Variants in TAF4 observed in about 807,000 individuals in gnomAD.
The protein encoded by TAF4 is transcription initiation factor TFIID subunit 4.
A neutral mutation model predicts 90.3 loss-of-function variants in TAF4; 9 were observed. The ratio of observed to expected loss-of-function variants is 0.10; its 90% CI spans 0.06 to 0.17. The LOEUF (loss-of-function observed/expected upper bound fraction) is 0.17, where lower values mean the gene tolerates loss of function less well. TAF4 is among the 10% of genes least tolerant of loss of function. The pLI is 1.00. For synonymous variants in TAF4, 818 were observed against 638.9 expected (o/e 1.28, Z -4.23); for missense variants, 1,351 against 1,370.7 (o/e 0.99, Z 0.23).
intron 1 of TAF4, among the ~76,000 whole-genome samples, chr20:62,046,892 T>C (rs774652879): frequency 2.6e-5 from 4 of 152,234 alleles, no homozygotes. Context: ...TCAAACCTTC[T>C]GCCCATTTTT....
At chr20:62,056,667 G>A (rs2056066002) in intron 1 of TAF4, among the ~76,000 whole-genome samples, 1 of 152,150 alleles carries the variant, frequency 6.6e-6, no homozygotes, top group African/African-American at 2.4e-5. Context: ...TGTAATTACA[G>A]AAAAACACAG....
intron 1 of TAF4, among the ~76,000 whole-genome samples, chr20:62,051,913 G>T (rs1279100254): frequency 1.3e-5 from 2 of 152,144 alleles, no homozygotes; most frequent in Admixed American, 6.5e-5. Flanking sequence ...CTGGATATCT[G>T]CCACCCCTTC....
intron 14 of TAF4, among the ~76,000 whole-genome samples, chr20:61,981,812 C>A (rs534835764): frequency 6.9e-6 from 1 of 145,916 alleles, no homozygotes; most frequent in Non-Finnish European, 1.5e-5. Flanking sequence ...ACCAAACCCA[C>A]ACAACCCACA....
At chr20:62,050,097 T>C (rs1161040187) in intron 1 of TAF4, among the ~76,000 whole-genome samples, 2 of 152,120 alleles carry the variant, frequency 1.3e-5, no homozygotes, top group Non-Finnish European at 2.9e-5. Context: ...ACAAACTGTT[T>C]TTCTACAACC....
At chr20:62,060,288 C>T (rs545414069) in intron 1 of TAF4, among the ~76,000 whole-genome samples, 2 of 152,372 alleles carry the variant, frequency 1.3e-5, no homozygotes, top group Admixed American at 1.3e-4. Context: ...GCCCTAAGAA[C>T]CAGGGCAACC....
In TAF4 at chr20:62,065,155, T is replaced by C. The variant is rs1161150486; in HGVS notation, c.656A>G (p.Asn219Ser). The change falls in exon 1 of 15, where the codon AAC becomes AGC. Residue 219 changes from asparagine (N) to serine (S), a missense_variant. Physicochemically the swap from Asn to Ser is conservative, Grantham distance 46. Around this residue, in one of 9 missense-constraint regions of TAF4, gnomAD observed 782 missense variants for 536.6 expected, o/e 1.46. Coordinates refer to ENST00000252996, the MANE Select transcript of TAF4 (RefSeq NM_003185.4). The stretch of plus-strand genomic sequence containing the variant: ...CGGCAGCAGCGCGGCGGGCCCGTTG[T>C]TGACCAGGCTGACAGCAGGTGCGGC... ...HAAAPAVSLV[N>S]NGPAALLPLP... 2.5e-6 allele frequency: 3 copies of C among 1,196,010 alleles called. No individual in the cohort carries two copies. Among genetic ancestry groups the C allele is most frequent in the South Asian group, 2.8e-5 (2 of 70,922 alleles). The allele number at this position is 1,196,010 out of a possible 1,614,324, so 74.1% of individuals were successfully genotyped here.
chr20:62,018,191 T>C (rs1568933470), intron 1 of TAF4, among the ~76,000 whole-genome samples: 2 of 152,182 alleles, frequency 1.3e-5, no homozygotes, highest in Admixed American at 6.5e-5. Flanking sequence ...AAACAGCACA[T>C]AAGAGGCGCT....
chr20:62,031,724 G>GT (rs1471198678), intron 1 of TAF4, among the ~76,000 whole-genome samples: 1 of 151,906 alleles, frequency 6.6e-6, no homozygotes, highest in Non-Finnish European at 1.5e-5. Context: ...CTTAGTCACC[G>GT]TAAGTTCTTA....
chr20:62,025,732 AT>A (rs1329258213), intron 1 of TAF4, among the ~76,000 whole-genome samples: 4 of 152,174 alleles, frequency 2.6e-5, no homozygotes, highest in Non-Finnish European at 5.9e-5. Flanking sequence ...AGCCTTGGGT[AT>A]TTTTTTATAG....
chr20:62,013,906 G>GGTGTGTGTGTGT (rs56801841), intron 2 of TAF4, among the ~76,000 whole-genome samples: 35 of 107,402 alleles, frequency 3.3e-4, no homozygotes, highest in East Asian at 7.2e-4. Context: ...GGCTGACGCG[G>GGTGTGTGTGTGT]GTGTGTGTGT....
At chr20:62,035,450 C>T (rs2055927037) in intron 1 of TAF4, among the ~76,000 whole-genome samples, 1 of 152,156 alleles carries the variant, frequency 6.6e-6, no homozygotes, top group Admixed American at 6.5e-5. Context: ...CCATGGAGAC[C>T]ACAGAGGTGA....
At chr20:62,017,482 CAA>C (rs66697524) in intron 1 of TAF4, among the ~76,000 whole-genome samples, 5 of 127,982 alleles carry the variant, frequency 3.9e-5, no homozygotes, top group Admixed American at 7.7e-5. Flanking sequence ...ACTAAAAATA[CAA>C]AAAAAAAAAA....
Position 62,065,033 on chromosome 20 carries a change from C to T in TAF4, c.778G>A (p.Ala260Thr). ...GCGGCGGGGGCGGCGGGCGCGGGGG[C>T]GGCGGGGGGCGAGGGCGCGGCGGGC... is the stretch of plus-strand genomic sequence containing the variant. ...PAPAAPSPPAAPAPAAPAAAP... is the reference protein window; with the variant it reads ...PAPAAPSPPATPAPAAPAAAP... The change falls in exon 1 of 15, where the codon GCC becomes ACC. Residue 260 changes from alanine (A) to threonine (T), a missense_variant. Around this residue, in one of 9 missense-constraint regions of TAF4, gnomAD observed 782 missense variants for 536.6 expected, o/e 1.46. Coordinates refer to ENST00000252996, the MANE Select transcript of TAF4 (RefSeq NM_003185.4). 2.7e-5 allele frequency: 11 copies of T among 414,822 alleles called. No individual in the cohort carries two copies. The highest frequency in any genetic ancestry group is 2.8e-5 in the Non-Finnish European group (10 of 356,652). The allele number at this position is 414,822 out of a possible 1,614,324, so 25.7% of individuals were successfully genotyped here.
intron 1 of TAF4, among the ~76,000 whole-genome samples, chr20:62,034,827 C>CTTTTTTTTTTTTT (rs1555877004): frequency 7.1e-6 from 1 of 141,810 alleles, no homozygotes; most frequent in African/African-American, 2.6e-5. Flanking sequence ...TCATAGATTT[C>CTTTTTTTTTTTTT]TTTTTTTTTT....
chr20:62,050,954 G>A (rs541952204), intron 1 of TAF4, among the ~76,000 whole-genome samples: 5 of 152,172 alleles, frequency 3.3e-5, no homozygotes, highest in Non-Finnish European at 7.3e-5. Flanking sequence ...ACCCCAGGCA[G>A]GGCCCCTCCC....
At chr20:62,045,795 C>T (rs1306615328) in intron 1 of TAF4, among the ~76,000 whole-genome samples, 1 of 152,156 alleles carries the variant, frequency 6.6e-6, no homozygotes, top group African/African-American at 2.4e-5. Flanking sequence ...TAATCCAGAG[C>T]AGACGCTCCT....
intron 1 of TAF4, among the ~76,000 whole-genome samples, chr20:62,018,293 A>G (rs891986556): frequency 2.0e-5 from 3 of 152,198 alleles, no homozygotes; most frequent in African/African-American, 7.2e-5. Flanking sequence ...TGATGATCTG[A>G]GGACACTCAG....
chr20:62,006,615 G>C lies in TAF4; in HGVS notation c.2118C>G (p.Ala706=), dbSNP rs146516743. The C allele has an allele frequency of 6.5e-5, 104 of 1,598,024 alleles. No homozygotes were observed. The highest frequency in any genetic ancestry group is 3.4e-6 in the Non-Finnish European group (4 of 1,172,334). Residue 706 remains alanine, a synonymous_variant, in exon 7 of 15, where the codon GCC becomes GCG. Coordinates refer to ENST00000252996, the MANE Select transcript of TAF4 (RefSeq NM_003185.4). This position sits in a 1 kb window ranked among gnomAD's most constrained non-coding sequence, Gnocchi z 7.0. ...TGGTCACGGTGGCCGCCGTCTTCCC[G>C]GCCGTGCGCTGGACCGAGCTACTCA... The part of the protein sequence containing the change: ...VVLSSSVQRT[A]GKTAATVTSA...
intron 1 of TAF4, among the ~76,000 whole-genome samples, chr20:62,064,100 C>A (rs1471247039): frequency 6.6e-6 from 1 of 152,248 alleles, no homozygotes; most frequent in African/African-American, 2.4e-5. Flanking sequence ...GGAGCCCCTG[C>A]GCTGAGCCTA....
Sources: gnomAD v4.1 joint callset for allele counts (sites outside exome capture counted in the v4.1 genomes callset) on GRCh38, gnomAD v4.1.1 for gene constraint, gnomAD v4.1.1 regional missense constraint, Gnocchi (gnomAD v3.1) non-coding constraint, MANE v1.5 for transcripts, NCBI Gene and HGNC (gene_info 2026-07-23, HGNC 2026-07-21) for gene names.